The following CDC20B variants were observed in gnomAD, a reference collection of about 807,000 sequenced individuals.
CDC20B encodes cell division cycle protein 20 homolog B.
A neutral mutation model predicts 64.1 loss-of-function variants in CDC20B; 58 were observed. The ratio of observed to expected loss-of-function variants is 0.90; its 90% CI spans 0.73 to 1.13. CDC20B has a LOEUF of 1.13. Among genes scored for constraint, CDC20B ranks in the 50% most tolerant of loss-of-function variants. The pLI, the probability that CDC20B is intolerant of heterozygous loss-of-function variation, is 0.00. For missense variants in CDC20B, 597 were observed against 633.0 expected (o/e 0.94, Z 0.61); for synonymous variants, 243 against 230.6 (o/e 1.05, Z -0.49).
intron 2 of CDC20B, 27 bp from the exon 3 acceptor site, chr5:55,146,883 GTCCAC>G (rs765188566): frequency 6.4e-7 from 1 of 1,566,720 alleles, no homozygotes; most frequent in Non-Finnish European, 8.8e-7. Flanking sequence ...ACAGCTGTAA[GTCCAC>G]TGGCCTCAGT....
chr5:55,163,543 G>T (rs1302853733), intron 2 of CDC20B, among the ~76,000 whole-genome samples: 1 of 151,626 alleles, frequency 6.6e-6, no homozygotes, highest in Non-Finnish European at 1.5e-5. Flanking sequence ...TTTCACTCTT[G>T]TCCCCCAGGC....
chr5:55,136,828 A>G (rs1056783152), intron 5 of CDC20B: 3 of 152,180 alleles, frequency 2.0e-5, no homozygotes, highest in Non-Finnish European at 2.9e-5. Flanking sequence ...AATCTCATGA[A>G]TAACACAAAA....
At position 55,119,784 on chromosome 5, in the gene CDC20B, C is replaced by T. The variant is rs751782825; in HGVS notation, c.1459+17G>A. 5.4e-6 allele frequency: 8 copies of T among 1,474,712 alleles called. No homozygotes were observed. The highest frequency in any genetic ancestry group is 7.6e-6 in the Non-Finnish European group (8 of 1,053,428). 91.4% of individuals were successfully genotyped at this position (1,474,712 alleles called of 1,614,324 possible). A position where few individuals can be genotyped will look rare whatever the true frequency, so the allele number is the denominator to read the frequency against. On this transcript the variant is annotated intron_variant, in intron 11 of 11. Transcript: ENST00000381375. ...TTTGCTATAGGTGCATGGCATTTTA[C>T]TCACCCATTTGCTTACCAAAAAACC...
chr5:55,159,611 T>C (rs336082), intron 2 of CDC20B, among the ~76,000 whole-genome samples: 124,841 of 152,172 alleles, frequency 0.82, 51,276 homozygotes, highest in Middle Eastern at 0.85. Context: ...CTGTATTCAC[T>C]TGGTATTTGA....
chr5:55,170,449 A>G, intron 2 of CDC20B: 1 of 488,680 alleles, frequency 2.0e-6, no homozygotes, highest in South Asian at 1.5e-5. Flanking sequence ...ATAATATATT[A>G]TGGTAAATAG....
chr5:55,133,679 G>A, intron 5 of CDC20B, 151 bp from the exon 6 acceptor site: 1 of 426,726 alleles, frequency 2.3e-6, no homozygotes, highest in Non-Finnish European at 4.2e-6. Flanking sequence ...AAAGAGCCGG[G>A]GAAGGAAGGA....
intron 2 of CDC20B, among the ~76,000 whole-genome samples, chr5:55,148,185 A>G (rs1261375452): frequency 1.3e-5 from 2 of 152,256 alleles, no homozygotes; most frequent in African/African-American, 4.8e-5. Flanking sequence ...AATGCCCAAA[A>G]GATATTTAAT....
At chr5:55,130,996 C>T (rs1743014973) in intron 6 of CDC20B, among the ~76,000 whole-genome samples, 1 of 152,036 alleles carries the variant, frequency 6.6e-6, no homozygotes, top group African/African-American at 2.4e-5. Flanking sequence ...GTGATATGTG[C>T]CTGTGGGCCC....
Position 55,119,873 on chromosome 5 carries a change from C to A in CDC20B, c.1387G>T (p.Gly463Cys). Reference sequence around the variant, plus strand: ...ACATCATTCTTGGGAGTACCTTGACCAGTTGCAATCTCCTTTGTCTTAGGT... The same window carrying A: ...ACATCATTCTTGGGAGTACCTTGACAAGTTGCAATCTCCTTTGTCTTAGGT... ...WLPKTKEIAT[G>C]QGTPKNDVTV... The change falls in exon 11 of 12, where the codon GGT (glycine) becomes TGT (cysteine). Residue 463 changes from glycine to cysteine, a missense_variant. This residue lies in a region of CDC20B where 353 missense variants were observed against 397.0 expected (regional missense o/e 0.89). Coordinates refer to ENST00000381375, the MANE Select transcript of CDC20B (RefSeq NM_001170402.1). 6.2e-7 allele frequency: 1 copy of A among 1,613,984 alleles called. No individual in the cohort carries two copies. The highest frequency in any genetic ancestry group is 1.1e-5 in the South Asian group (1 of 91,074).
chr5:55,152,034 G>C (rs529328467), intron 2 of CDC20B, among the ~76,000 whole-genome samples: 45 of 152,378 alleles, frequency 3.0e-4, no homozygotes, highest in African/African-American at 9.6e-4. Context: ...GGCAGAGGGA[G>C]ATGTGACTGC....
rs145816473 is a variant in CDC20B at position 55,143,522 on chromosome 5, T to C, written c.477A>G (p.Ser159=). The C allele has an allele frequency of 1.9e-6, 3 of 1,598,904 alleles. No homozygotes were observed. The highest frequency in any genetic ancestry group is 1.7e-6 in the Non-Finnish European group (2 of 1,173,042). Reference sequence around the variant, plus strand: ...TTTTCTCTTTACCTACCTGCCCTTTTGAGGCAACACTTTCTTTCCAGTCTC... The same window carrying C: ...TTTTCTCTTTACCTACCTGCCCTTTCGAGGCAACACTTTCTTTCCAGTCTC... ...MDRDWKESVA[S]KGQKCLKQLF... Residue 159 remains serine (S), a synonymous_variant, in exon 4 of 12, where the codon TCA becomes TCG. Coordinates refer to ENST00000381375, the MANE Select transcript of CDC20B (RefSeq NM_001170402.1).
intron 5 of CDC20B, among the ~76,000 whole-genome samples, chr5:55,139,056 G>GT (rs112057021): frequency 1.0e-3 from 152 of 147,012 alleles, no homozygotes; most frequent in Admixed American, 1.4e-3. Context: ...TTTACAATGA[G>GT]TTTTTTTTTT....
intron 5 of CDC20B, chr5:55,137,366 C>T: frequency 2.9e-6 from 1 of 344,620 alleles, no homozygotes; most frequent in Non-Finnish European, 5.7e-6. Flanking sequence ...TGAAAGTTTA[C>T]AGGGGCTGCC....
chr5:55,124,939 G>C lies in CDC20B; in HGVS notation c.1079C>G (p.Ala360Gly), dbSNP rs775751337. The C allele has an allele frequency of 6.2e-7, 1 of 1,614,184 alleles. No individual in the cohort carries two copies. The highest frequency in any genetic ancestry group is 8.5e-7 in the Non-Finnish European group (1 of 1,180,012). The change falls in exon 9 of 12, where the codon GCT becomes GGT. Residue 360 changes from alanine to glycine, a missense_variant. Ala to Gly is a moderately conservative substitution (Grantham distance 60, BLOSUM62 0). Coordinates refer to ENST00000381375, the MANE Select transcript of CDC20B (RefSeq NM_001170402.1). ...GTLRHKQAVC[A>G]LKWSPDGRLL... ...CCTGCCATCCGGTGACCACTTCAGA[G>C]CACACACAGCTTGCTTGTGGCGAAG...
At chr5:55,166,388 A>G (rs181540054) in intron 2 of CDC20B, 4 of 152,284 alleles carry the variant, frequency 2.6e-5, no homozygotes, top group African/African-American at 7.2e-5. Context: ...TACAGACTCT[A>G]TGTCAGTGCT....
At position 55,146,641 on chromosome 5, in the gene CDC20B, C is replaced by G. The variant is rs1419250668; in HGVS notation, c.342G>C (p.Glu114Asp). ...GSVLKTPPEK[E>D]TLTLGSRKEQ... ...GGGGCACCTCACCTAGAGTCAAGGT[C>G]TCTTTCTCAGGCGGTGTCTTCAGCA... The change falls in exon 3 of 12, where the codon GAG (glutamate) becomes GAC (aspartate). Residue 114 changes from glutamate to aspartate, a missense_variant. By Grantham distance (45) the Glu-to-Asp change is conservative. This residue lies in a region of CDC20B where 241 missense variants were observed against 219.2 expected (regional missense o/e 1.10). Coordinates refer to ENST00000381375, the MANE Select transcript of CDC20B (RefSeq NM_001170402.1). The G allele has an allele frequency of 6.2e-6, 10 of 1,613,950 alleles. No homozygotes were observed. Among genetic ancestry groups the G allele is most frequent in the Non-Finnish European group, 7.6e-6 (9 of 1,179,878 alleles).
chr5:55,161,165 G>A, intron 2 of CDC20B: 1 of 1,614,192 alleles, frequency 6.2e-7, no homozygotes, highest in Non-Finnish European at 8.5e-7. Flanking sequence ...AGAATCTTTT[G>A]CAAGAAAAAA....
chr5:55,126,377 T>C (rs191403032), intron 8 of CDC20B: 4 of 185,202 alleles, frequency 2.2e-5, no homozygotes, highest in Admixed American at 6.3e-5. Flanking sequence ...TGGGCGCCTG[T>C]AGTCCCAGCT....
Position 55,172,655 on chromosome 5 carries a change from G to C in CDC20B, c.64-5C>G. The C allele has an allele frequency of 6.2e-7, 1 of 1,601,194 alleles. No homozygotes were observed. On this transcript the variant is annotated splice_region_variant and splice_polypyrimidine_tract_variant and intron_variant, in intron 1 of 11. Coordinates refer to ENST00000381375, the MANE Select transcript of CDC20B (RefSeq NM_001170402.1). ...GAGCACACGCATGATACTTTCCTTT[G>C]AAAACACAGATAACATATTGAGGGA...
Sources: gnomAD v4.1 joint callset for allele counts (sites outside exome capture counted in the v4.1 genomes callset) on GRCh38, gnomAD v4.1.1 for gene constraint, gnomAD v4.1.1 regional missense constraint, MANE v1.5 for transcripts, NCBI Gene and HGNC (gene_info 2026-07-23, HGNC 2026-07-21) for gene names.